The following L3MBTL4 variants were observed in gnomAD, a reference collection of about 807,000 sequenced individuals.
The protein encoded by L3MBTL4 is lethal(3)malignant brain tumor-like protein 4.
Under a neutral mutation model 84.5 loss-of-function variants are expected in L3MBTL4, and 70 were observed. The ratio of observed to expected loss-of-function variants is 0.83; its 90% CI spans 0.68 to 1.01. The LOEUF (loss-of-function observed/expected upper bound fraction) is 1.01, where lower values mean the gene tolerates loss of function less well. L3MBTL4 is among the 50% of genes least tolerant of loss of function. The probability of loss-of-function intolerance (pLI) is 0.00; values close to 1 mark genes in which losing one functional copy is unlikely to be tolerated. For synonymous variants in L3MBTL4, 274 were observed against 259.8 expected (o/e 1.05, Z -0.52); for missense variants, 715 against 754.8 (o/e 0.95, Z 0.62).
intron 12 of L3MBTL4, among the ~76,000 whole-genome samples, chr18:6,174,584 T>C (rs1568256395): frequency 6.6e-6 from 1 of 152,056 alleles, no homozygotes; most frequent in African/African-American, 2.4e-5. Context: ...AAAGAACAGA[T>C]GATGTTCCGG....
At chr18:6,357,034 T>G (rs1164172820) in intron 1 of L3MBTL4, among the ~76,000 whole-genome samples, 1 of 152,152 alleles carries the variant, frequency 6.6e-6, no homozygotes, top group African/African-American at 2.4e-5. Context: ...TATATGCATA[T>G]GGGTGTCATA....
At chr18:6,066,274 T>A (rs1568057909) in intron 16 of L3MBTL4, among the ~76,000 whole-genome samples, 2 of 152,174 alleles carry the variant, frequency 1.3e-5, no homozygotes, top group Non-Finnish European at 2.9e-5. Flanking sequence ...TTATGGTCTA[T>A]CATATGGTCT....
At chr18:6,069,151 G>C (rs1016348730) in intron 16 of L3MBTL4, among the ~76,000 whole-genome samples, 1 of 152,254 alleles carries the variant, frequency 6.6e-6, no homozygotes, top group African/African-American at 2.4e-5. Context: ...CTTGGTTGGA[G>C]ATAAGGCTTA....
intron 13 of L3MBTL4, among the ~76,000 whole-genome samples, chr18:6,171,553 T>C (rs1353710805): frequency 2.0e-5 from 3 of 152,376 alleles, no homozygotes; most frequent in South Asian, 4.1e-4. Flanking sequence ...GATTTAGATG[T>C]GCTAGCTCAG....
chr18:6,144,196 CAAA>C (rs35746580), intron 13 of L3MBTL4, among the ~76,000 whole-genome samples: 1 of 58,078 alleles, frequency 1.7e-5, no homozygotes, highest in Admixed American at 2.0e-4. Context: ...ACTCCATCTC[CAAA>C]AAAAAAAAAA....
chr18:6,378,235 T>C (rs1415653141), intron 1 of L3MBTL4, among the ~76,000 whole-genome samples: 1 of 152,192 alleles, frequency 6.6e-6, no homozygotes, highest in Non-Finnish European at 1.5e-5. Flanking sequence ...GTCAGATGGA[T>C]AGATTGCAAA....
intron 10 of L3MBTL4, among the ~76,000 whole-genome samples, chr18:6,230,154 G>T (rs561941953): frequency 6.6e-6 from 1 of 152,034 alleles, no homozygotes; most frequent in Non-Finnish European, 1.5e-5. Context: ...CAGGGGCCTG[G>T]TGTAAACATC....
chr18:6,194,296 G>C (rs536131915), intron 12 of L3MBTL4, among the ~76,000 whole-genome samples: 2 of 152,222 alleles, frequency 1.3e-5, no homozygotes, highest in East Asian at 3.9e-4. Context: ...GAGTCTGAAT[G>C]AGCCCACTCT....
At chr18:6,279,093 A>G (rs1234005090) in intron 4 of L3MBTL4, among the ~76,000 whole-genome samples, 1 of 152,176 alleles carries the variant, frequency 6.6e-6, no homozygotes, top group Non-Finnish European at 1.5e-5. Flanking sequence ...TTGAGACTTA[A>G]ATCTGCAGCT....
intron 16 of L3MBTL4, among the ~76,000 whole-genome samples, chr18:6,045,297 C>A (rs1484797535): frequency 1.3e-5 from 2 of 152,090 alleles, no homozygotes; most frequent in East Asian, 3.8e-4. Flanking sequence ...ACTTCAAAGG[C>A]AAAGAAGAAA....
At chr18:6,403,917 T>C (rs1034651449) in intron 1 of L3MBTL4, among the ~76,000 whole-genome samples, 2 of 152,086 alleles carry the variant, frequency 1.3e-5, no homozygotes, top group Admixed American at 1.3e-4. Flanking sequence ...TACTCAGCCA[T>C]AAAAGAAAAT....
rs144889042 is a variant in L3MBTL4 at position 5,955,840 on chromosome 18, A to G, written c.*380T>C. ...AAACATTAACGATGTATTCATGAAC[A>G]CTGCTTTTCTAATATTTCACCACTT... is the stretch of plus-strand genomic sequence containing the variant. On this transcript the variant is annotated 3_prime_UTR_variant, in exon 19 of 19. Transcript: ENST00000317931. 32 of 166,990 alleles carry G rather than the reference A, an allele frequency of 1.9e-4. No individual in the cohort carries two copies. Among genetic ancestry groups the G allele is most frequent in the African/African-American group, 7.4e-4 (31 of 42,010 alleles). The allele number at this position is 166,990 out of a possible 1,614,324, so 10.3% of individuals were successfully genotyped here.
chr18:6,095,750 T>C (rs1246532785), intron 14 of L3MBTL4, among the ~76,000 whole-genome samples: 1 of 152,192 alleles, frequency 6.6e-6, no homozygotes, highest in Non-Finnish European at 1.5e-5. Flanking sequence ...TACAGGCTAA[T>C]GCAGGCTTGG....
intron 1 of L3MBTL4, among the ~76,000 whole-genome samples, chr18:6,335,338 G>A (rs1036289609): frequency 6.6e-6 from 1 of 152,012 alleles, no homozygotes; most frequent in Admixed American, 6.6e-5. Flanking sequence ...TGATCCACCC[G>A]CCTCAGCCTC....
chr18:5,985,344 C>CA (rs1040655746), intron 16 of L3MBTL4, among the ~76,000 whole-genome samples: 5 of 152,200 alleles, frequency 3.3e-5, no homozygotes, highest in East Asian at 1.9e-4. Flanking sequence ...AATATTGGGG[C>CA]AAAAATCTCT....
rs76566821 is a variant in L3MBTL4, at chr18:6,332,904, G to A, written c.-90-20848C>T. 5.3e-5 allele frequency among the ~76,000 whole-genome samples: 8 copies of A among 152,332 alleles called. No individual in the cohort carries two copies. The East Asian group carries it at 1.5e-3, about 29-fold the overall frequency. On this transcript the variant is annotated intron_variant, in intron 1 of 18. Transcript: ENST00000317931. The stretch of plus-strand genomic sequence containing the variant: ...AGCAGTAGCAGCAGCAACAGTATGA[G>A]AATAGATGCTCTGTAAATAGTTCTC...
intron 16 of L3MBTL4, among the ~76,000 whole-genome samples, chr18:6,057,396 C>A (rs1454443670): frequency 1.3e-5 from 2 of 152,088 alleles, no homozygotes; most frequent in Non-Finnish European, 1.5e-5. Flanking sequence ...CAATCTATCA[C>A]CACTGGGGAA....
chr18:6,363,502 G>T (rs2053803313), intron 1 of L3MBTL4, among the ~76,000 whole-genome samples: 1 of 152,054 alleles, frequency 6.6e-6, no homozygotes, highest in African/African-American at 2.4e-5. Context: ...AAAGAAAATG[G>T]TTTTACTACC....
At chr18:6,132,872 G>A (rs73380101) in intron 14 of L3MBTL4, among the ~76,000 whole-genome samples, 7,936 of 152,110 alleles carry the variant, frequency 0.052, 701 homozygotes, top group African/African-American at 0.18. Context: ...CACGCCCAGC[G>A]CAGGAGGCAA....
Sources: gnomAD v4.1 joint callset for allele counts (sites outside exome capture counted in the v4.1 genomes callset) on GRCh38, gnomAD v4.1.1 for gene constraint, MANE v1.5 for transcripts, NCBI Gene and HGNC (gene_info 2026-07-23, HGNC 2026-07-21) for gene names.